The following RBM14 variants were observed in gnomAD, a reference collection of about 807,000 sequenced individuals.
RBM14 encodes RNA-binding protein 14.
In RBM14, 5 loss-of-function variants were observed where a neutral mutation model predicts 52.8. The observed-to-expected ratio is 0.09, with a 90% CI of 0.05 to 0.20. The LOEUF (loss-of-function observed/expected upper bound fraction) is 0.20. Ranked by LOEUF, RBM14 falls within the 10% of genes least tolerant of loss-of-function variation. RBM14 has a pLI of 1.00. For synonymous variants in RBM14, 411 were observed against 401.8 expected (o/e 1.02, Z -0.28); for missense variants, 780 against 926.6 (o/e 0.84, Z 2.05).
chr11:66,621,997 T>C (rs373979476), intron 1 of RBM14, among the ~76,000 whole-genome samples: 15 of 150,786 alleles, frequency 9.9e-5, no homozygotes, highest in South Asian at 6.3e-4. Flanking sequence ...GCAGCCTCCT[T>C]CTTTTTCTTC....
At chr11:66,621,669 G>A (rs1051537596) in intron 1 of RBM14, among the ~76,000 whole-genome samples, 1 of 152,082 alleles carries the variant, frequency 6.6e-6, no homozygotes, top group Non-Finnish European at 1.5e-5. Context: ...GAGTCATTGC[G>A]CCTGGTCTCA....
rs1219206865 is a variant in RBM14, at chr11:66,625,207, G to A, written c.1331G>A (p.Ser444Asn). Residue 444 changes from serine (S) to asparagine (N), a missense_variant, in exon 2 of 3, where the codon AGC (serine) becomes AAC (asparagine). Ser to Asn is a conservative substitution (Grantham distance 46). Around this residue, in one of 4 missense-constraint regions of RBM14, gnomAD observed 675 missense variants for 697.3 expected, o/e 0.97. Coordinates refer to ENST00000310137, the MANE Select transcript of RBM14 (RefSeq NM_006328.4). This position sits in a 1 kb window ranked among gnomAD's most constrained non-coding sequence, Gnocchi z 4.2. ...AQPATAAAYA[S>N]QPAAYAAQAT... Reference sequence around the variant, plus strand: ...CCAGCCACAGCTGCTGCCTATGCCAGCCAGCCAGCAGCCTACGCCGCACAA... The same window carrying A: ...CCAGCCACAGCTGCTGCCTATGCCAACCAGCCAGCAGCCTACGCCGCACAA... 10 of 1,611,508 alleles carry A rather than the reference G, an allele frequency of 6.2e-6. No individual in the cohort carries two copies. Among genetic ancestry groups the A allele is most frequent in the Middle Eastern group, 3.3e-4 (2 of 6,060 alleles).
Position 66,625,953 on chromosome 11 carries a change from G to T in RBM14, c.1802+275G>T, listed in dbSNP as rs946884041. 1.3e-5 allele frequency among the ~76,000 whole-genome samples: 2 copies of T among 152,214 alleles called. No individual in the cohort carries two copies. The highest frequency in any genetic ancestry group is 2.9e-5 in the Non-Finnish European group (2 of 68,034). ...TAGCCCAAGTGTCATTGGAGCTACTGCCTGCAGGACTGTGGCCCATATCCT... is the reference window on the plus strand; with the variant it reads ...TAGCCCAAGTGTCATTGGAGCTACTTCCTGCAGGACTGTGGCCCATATCCT... On this transcript the variant is annotated intron_variant, in intron 2 of 2. Transcript: ENST00000310137. This position sits in a 1 kb window ranked among gnomAD's most constrained non-coding sequence, Gnocchi z 4.2.
rs1331756564 is a variant in RBM14, at chr11:66,629,600, C to T, written c.*2932C>T. On this transcript the variant is annotated 3_prime_UTR_variant, in exon 3 of 3. Transcript: ENST00000310137. ...GACATCATGGGATGGATGAGGTCAT[C>T]ATGAAAACAGATTTACTGGATTTAT... Among the ~76,000 whole-genome samples, 3 of 152,138 alleles carry T rather than the reference C, an allele frequency of 2.0e-5. No homozygotes were observed. Among genetic ancestry groups the T allele is most frequent in the African/African-American group, 7.2e-5 (3 of 41,432 alleles).
intron 1 of RBM14, chr11:66,623,885 T>C (rs761254711): frequency 1.4e-6 from 1 of 717,686 alleles, no homozygotes. Context: ...TTTGTTCTGC[T>C]GGTTTGTACT....
Position 66,626,491 on chromosome 11 carries a change from C to T in RBM14, c.1833C>T (p.Leu611=), listed in dbSNP as rs1322863572. The change falls in exon 3 of 3, where the codon CTC becomes CTT. Residue 611 remains leucine, a synonymous_variant. Transcript: ENST00000310137. ...RYGSDRRLAE[L]SDYRRLSESQ... ...GTTCCGACCGGCGTTTAGCCGAGCT[C>T]TCTGATTACCGCCGTTTATCAGAGT... 7 of 1,613,718 alleles carry T rather than the reference C, an allele frequency of 4.3e-6. No homozygotes were observed. The African/African-American group carries it at 6.7e-5, about 15-fold the overall frequency.
Position 66,624,211 on chromosome 11 carries a change from C to A in RBM14, c.338-3C>A. 6.4e-7 allele frequency: 1 copy of A among 1,569,942 alleles called. No homozygotes were observed. The highest frequency in any genetic ancestry group is 1.2e-5 in the South Asian group (1 of 85,226). ...GCTAACCCTCTGTCTGCTGCTTTAT[C>A]AGACTACGCGTTTGTTCACATGGAG... On this transcript the variant is annotated splice_region_variant and splice_polypyrimidine_tract_variant and intron_variant, in intron 1 of 2. Transcript: ENST00000310137. The surrounding 1 kb of genome is among the most constrained non-coding windows in gnomAD (Gnocchi z 4.7).
At chr11:66,617,729 G>C (rs1344226233) in intron 1 of RBM14, among the ~76,000 whole-genome samples, 1 of 152,210 alleles carries the variant, frequency 6.6e-6, no homozygotes, top group Non-Finnish European at 1.5e-5. Context: ...CTCAAACTTG[G>C]GGTTTTTCTT....
Position 66,625,409 on chromosome 11 carries a change from C to G in RBM14, c.1533C>G (p.Thr511=). 1 of 1,613,492 alleles carries G rather than the reference C, an allele frequency of 6.2e-7. No homozygotes were observed. The highest frequency in any genetic ancestry group is 8.5e-7 in the Non-Finnish European group (1 of 1,179,900). The change falls in exon 2 of 3, where the codon ACC becomes ACG. Residue 511 remains threonine, a synonymous_variant. Coordinates refer to ENST00000310137, the MANE Select transcript of RBM14 (RefSeq NM_006328.4). This position sits in a 1 kb window ranked among gnomAD's most constrained non-coding sequence, Gnocchi z 4.2. ...AAAYGAQPSA[T]LAAPYRTQSS... Reference sequence around the variant, plus strand: ...CCTACGGGGCCCAACCTTCTGCCACCCTGGCAGCTCCTTACCGCACTCAGT... The same window carrying G: ...CCTACGGGGCCCAACCTTCTGCCACGCTGGCAGCTCCTTACCGCACTCAGT...
At chr11:66,617,079 G>A (rs767989833) in intron 1 of RBM14, 22 bp downstream of exon 1, 2 of 1,554,200 alleles carry the variant, frequency 1.3e-6, no homozygotes, top group Non-Finnish European at 1.7e-6. Context: ...GCGCGCTCGG[G>A]GGCGGGGGCG....
Position 66,627,715 on chromosome 11 carries a change from G to C in RBM14, c.*1047G>C, listed in dbSNP as rs760000079. On this transcript the variant is annotated 3_prime_UTR_variant, in exon 3 of 3. Coordinates refer to ENST00000310137, the MANE Select transcript of RBM14 (RefSeq NM_006328.4). Reference sequence around the variant, plus strand: ...GATGGTTCTGGGGTTTGGCCTCTTAGGAAGTGGGGAATGGGCTGCTGTGGT... The same window carrying C: ...GATGGTTCTGGGGTTTGGCCTCTTACGAAGTGGGGAATGGGCTGCTGTGGT... 6.6e-6 allele frequency among the ~76,000 whole-genome samples: 1 copy of C among 152,232 alleles called. No individual in the cohort carries two copies. Among genetic ancestry groups the C allele is most frequent in the Non-Finnish European group, 1.5e-5 (1 of 68,054 alleles).
At chr11:66,618,381 G>A in intron 1 of RBM14, 1 of 658,364 alleles carries the variant, frequency 1.5e-6, no homozygotes, top group Non-Finnish European at 2.8e-6. Flanking sequence ...AAAGGCACAT[G>A]TTTGGGGCCA....
rs59068252 is a variant in RBM14, at chr11:66,620,441, G to A, written c.337+3384G>A. On this transcript the variant is annotated intron_variant, in intron 1 of 2. Coordinates refer to ENST00000310137, the MANE Select transcript of RBM14 (RefSeq NM_006328.4). Reference sequence around the variant, plus strand: ...TCCTGCCTCAGCCTCTCAAGTAGCTGGGTCTACAGGCCACCACACCTGGCT... The same window carrying A: ...TCCTGCCTCAGCCTCTCAAGTAGCTAGGTCTACAGGCCACCACACCTGGCT... Among the ~76,000 whole-genome samples, 524 of 152,100 alleles carry A rather than the reference G, an allele frequency of 3.4e-3. 2 individuals are homozygous for A. Among genetic ancestry groups the A allele is most frequent in the African/African-American group, 0.012 (488 of 41,472 alleles).
In RBM14 at chr11:66,629,186, A is replaced by G. The variant is rs1937944522; in HGVS notation, c.*2518A>G. On this transcript the variant is annotated 3_prime_UTR_variant, in exon 3 of 3. Transcript: ENST00000310137. ...ATTTCAAGTTCTATAACTTGGGGAA[A>G]GTTAGGTTGAGTGAATGGGAGGACA... Among the ~76,000 whole-genome samples, 4 of 152,146 alleles carry G rather than the reference A, an allele frequency of 2.6e-5. 1 individual carries two copies. The highest frequency in any genetic ancestry group is 1.3e-4 in the Admixed American group (2 of 15,280).
chr11:66,623,901 G>C, intron 1 of RBM14: 1 of 717,786 alleles, frequency 1.4e-6, no homozygotes, highest in Non-Finnish European at 2.6e-6. Flanking sequence ...GTACTTACAG[G>C]AGATGTGAAG....
intron 1 of RBM14, chr11:66,617,307 G>C (rs1340074901): frequency 2.3e-6 from 3 of 1,329,980 alleles, no homozygotes; most frequent in Middle Eastern, 2.8e-4. Flanking sequence ...CTACGGGGCC[G>C]GGGACGCGCC....
chr11:66,626,547 A>G lies in RBM14; in HGVS notation c.1889A>G (p.Lys630Arg), dbSNP rs1937816785. 1 of 1,614,014 alleles carries G rather than the reference A, an allele frequency of 6.2e-7. No individual in the cohort carries two copies. The highest frequency in any genetic ancestry group is 8.5e-7 in the Non-Finnish European group (1 of 1,180,028). The stretch of plus-strand genomic sequence containing the variant: ...CTTTCGTTCCGCCGCTCGCCGACAA[A>G]GTCCTCGCTGGATTACCGTCGCCTG... ...SQLSFRRSPT[K>R]SSLDYRRLPD... Residue 630 changes from lysine (K) to arginine (R), a missense_variant, in exon 3 of 3, where the codon AAG (lysine) becomes AGG (arginine). Transcript: ENST00000310137.
chr11:66,617,288 C>A, intron 1 of RBM14: 1 of 1,327,316 alleles, frequency 7.5e-7, no homozygotes, highest in Non-Finnish European at 9.6e-7. Context: ...GCGGCCACTG[C>A]GAGCCAAGCT....
chr11:66,619,570 CTT>C (rs781230095), intron 1 of RBM14: 21 of 139,708 alleles, frequency 1.5e-4, no homozygotes, highest in East Asian at 2.0e-4. Flanking sequence ...TTTTCTTTTT[CTT>C]TTTTTTTTTT....
Sources: gnomAD v4.1 joint callset for allele counts (sites outside exome capture counted in the v4.1 genomes callset) on GRCh38, gnomAD v4.1.1 for gene constraint, gnomAD v4.1.1 regional missense constraint, Gnocchi (gnomAD v3.1) non-coding constraint, MANE v1.5 for transcripts, NCBI Gene and HGNC (gene_info 2026-07-23, HGNC 2026-07-21) for gene names.